The following PTPN3 variants were observed in gnomAD, a reference collection of about 807,000 sequenced individuals.
The protein encoded by PTPN3 is tyrosine-protein phosphatase non-receptor type 3.
In PTPN3, 96 loss-of-function variants were observed where a neutral mutation model predicts 132.7. The observed-to-expected ratio is 0.72, with a 90% confidence interval of 0.61 to 0.86. The LOEUF (loss-of-function observed/expected upper bound fraction) is 0.86. Among genes scored for constraint, PTPN3 ranks in the 40% least tolerant of loss-of-function variants. The pLI, the probability that PTPN3 is intolerant of heterozygous loss-of-function variation, is 0.00. For synonymous variants in PTPN3, 398 were observed against 429.0 expected, an observed-to-expected ratio of 0.93 and a Z score of 0.89; for missense variants, 1,125 against 1,159.6, an observed-to-expected ratio of 0.97 and a Z score of 0.43.
chr9:109,504,076 C>T, the PTPN3 span, among the ~76,000 whole-genome samples: 2 of 152,100 alleles, frequency 1.3e-5, no homozygotes, highest in African/African-American at 4.8e-5. Flanking sequence ...GATTGAGAAA[C>T]GTAATCTCTT....
At chr9:109,405,759 T>G (rs553105726) in intron 18 of PTPN3, among the ~76,000 whole-genome samples, 2 of 152,358 alleles carry the variant, frequency 1.3e-5, no homozygotes, top group African/African-American at 4.8e-5. Context: ...CTGGCTATTG[T>G]ATTTTTAGCA....
At chr9:109,434,691 A>G (rs61543659) in intron 9 of PTPN3, among the ~76,000 whole-genome samples, 59,422 of 152,062 alleles carry the variant, frequency 0.39, 12,788 homozygotes, top group African/African-American at 0.57. Context: ...CCTACTAGCT[A>G]TATAATGTTG....
At chr9:109,383,338 C>G in intron 23 of PTPN3, 85 bp downstream of exon 23, 1 of 1,608,036 alleles carries the variant, frequency 6.2e-7, no homozygotes, top group Non-Finnish European at 8.5e-7. Flanking sequence ...ACAGAGTGCA[C>G]ACCTAGAAGC....
In PTPN3 at chr9:109,390,658, C is replaced by A. The variant is rs114425684; in HGVS notation, c.2106+480G>T. On this transcript the variant is annotated intron_variant, in intron 21 of 25. Coordinates refer to ENST00000374541, the MANE Select transcript of PTPN3 (RefSeq NM_002829.4). Reference sequence around the variant, plus strand: ...AAGTCTAGAGAGGCCAAGTAAGTTGCCCAAGATGCGTTTTTAGAGAGAAAA... The same window carrying A: ...AAGTCTAGAGAGGCCAAGTAAGTTGACCAAGATGCGTTTTTAGAGAGAAAA... Among the ~76,000 whole-genome samples, 989 of 152,228 alleles carry A rather than the reference C, an allele frequency of 6.5e-3. 12 individuals carry two copies. Among genetic ancestry groups the A allele is most frequent in the African/African-American group, 0.022 (923 of 41,532 alleles).
the PTPN3 span, among the ~76,000 whole-genome samples, chr9:109,516,197 G>A: frequency 3.9e-5 from 6 of 152,190 alleles, no homozygotes; most frequent in Non-Finnish European, 8.8e-5. Flanking sequence ...TCATTCACTC[G>A]TGATGATAGG....
Position 109,404,739 on chromosome 9 carries a change from A to C in PTPN3, c.1793-131T>G. 1.2e-5 allele frequency: 13 copies of C among 1,059,284 alleles called. No individual in the cohort carries two copies. In the South Asian group the frequency reaches 5.8e-4, roughly 48 times the overall value. The allele number at this position is 1,059,284 out of a possible 1,614,324, so 65.6% of individuals were successfully genotyped here. The stretch of plus-strand genomic sequence containing the variant: ...ACATCTTATTAAATGATTAAGCTAC[A>C]TGGTAATCATTTTCACCAAAGATAC... On this transcript the variant is annotated intron_variant, in intron 18 of 25. Transcript: ENST00000374541.
intron 23 of PTPN3, 179 bp downstream of exon 23, chr9:109,383,244 T>C (rs1370113037): frequency 8.4e-6 from 9 of 1,065,704 alleles, no homozygotes; most frequent in Non-Finnish European, 1.3e-5. Context: ...TCGTGCCTGT[T>C]GTGACTAGGG....
chr9:109,492,305 C>T (rs897494342), intron 1 of PTPN3, among the ~76,000 whole-genome samples: 5 of 152,110 alleles, frequency 3.3e-5, no homozygotes, highest in Admixed American at 1.3e-4. Flanking sequence ...CCCACTCCTA[C>T]GCCAGGGGAC....
At chr9:109,382,924 C>A (rs969301156) in intron 23 of PTPN3, among the ~76,000 whole-genome samples, 1 of 152,142 alleles carries the variant, frequency 6.6e-6, no homozygotes, top group Non-Finnish European at 1.5e-5. Context: ...ACCCTGCACC[C>A]ATTATGCCAT....
At chr9:109,488,793 G>T (rs1204673193) in intron 1 of PTPN3, among the ~76,000 whole-genome samples, 1 of 152,134 alleles carries the variant, frequency 6.6e-6, no homozygotes, top group Non-Finnish European at 1.5e-5. Context: ...CTGATAAATG[G>T]CCCTGTAGTG....
rs117116998 is a variant in PTPN3 at position 109,487,579 on chromosome 9, A to G, written c.-18+10640T>C. 5.7e-3 allele frequency among the ~76,000 whole-genome samples: 873 copies of G among 152,306 alleles called. 4 individuals carry two copies. Among genetic ancestry groups the G allele is most frequent in the East Asian group, 0.023 (117 of 5,184 alleles). On this transcript the variant is annotated intron_variant, in intron 1 of 25. Coordinates refer to ENST00000374541, the MANE Select transcript of PTPN3 (RefSeq NM_002829.4). ...CCTTCCAGCCTTCCAGGTGATTCTG[A>G]TGTGCTATAGTTTGAGAAACACTGC...
At chr9:109,417,624 C>T in intron 14 of PTPN3, 1 of 985,032 alleles carries the variant, frequency 1.0e-6, no homozygotes, top group Non-Finnish European at 1.2e-6. Context: ...CTCAGGAGGG[C>T]CAGCCTCCTC....
At chr9:109,460,932 A>G (rs1374606392) in intron 2 of PTPN3, among the ~76,000 whole-genome samples, 1 of 152,238 alleles carries the variant, frequency 6.6e-6, no homozygotes, top group Non-Finnish European at 1.5e-5. Context: ...TGAATACATG[A>G]GTTATATACT....
At chr9:109,448,638 G>A (rs1845020816) in intron 6 of PTPN3, among the ~76,000 whole-genome samples, 173 bp downstream of exon 6, 1 of 152,158 alleles carries the variant, frequency 6.6e-6, no homozygotes. Context: ...GCCTCTCTCA[G>A]CCAAGACTGA....
At chr9:109,422,692 CAAAAA>C in intron 13 of PTPN3, 21 bp downstream of exon 13, 1 of 1,441,814 alleles carries the variant, frequency 6.9e-7, no homozygotes, top group South Asian at 1.3e-5. Context: ...TTGGGTAGTA[CAAAAA>C]AAAAAAAAAG....
At chr9:109,456,963 T>C (rs1246649668) in intron 4 of PTPN3, among the ~76,000 whole-genome samples, 1 of 152,094 alleles carries the variant, frequency 6.6e-6, no homozygotes, top group Admixed American at 6.6e-5. Flanking sequence ...TTCCCCTTCT[T>C]TCCCACAGCT....
At chr9:109,518,715 A>G in the PTPN3 span, among the ~76,000 whole-genome samples, 1 of 152,128 alleles carries the variant, frequency 6.6e-6, no homozygotes, top group African/African-American at 2.4e-5. Context: ...TCTGGCTGGT[A>G]TGTGTCACAA....
In PTPN3 at chr9:109,436,967, C is replaced by T. The variant is rs763237620; in HGVS notation, c.591G>A (p.Gly197=). 8.1e-6 allele frequency: 13 copies of T among 1,613,876 alleles called. No homozygotes were observed. The highest frequency in any genetic ancestry group is 9.3e-6 in the Non-Finnish European group (11 of 1,179,944). The change falls in exon 9 of 26, where the codon GGG becomes GGA. Residue 197 remains glycine, a synonymous_variant. Coordinates refer to ENST00000374541, the MANE Select transcript of PTPN3 (RefSeq NM_002829.4). ...AGGATTCTGCTTCTGATTGTTTTAG[C>T]CCACTACGGAAGAAAAGACAAAAAG... ...KVESLHEQHS[G]LKQSEAESCY... is the part of the protein sequence containing the mutation.
intron 14 of PTPN3, among the ~76,000 whole-genome samples, chr9:109,419,913 A>G (rs1842774270): frequency 6.6e-6 from 1 of 152,238 alleles, no homozygotes; most frequent in African/African-American, 2.4e-5. Flanking sequence ...AATTTCTCAA[A>G]GAAAATTAGA....
Sources: gnomAD v4.1 joint callset for allele counts (sites outside exome capture counted in the v4.1 genomes callset) on GRCh38, gnomAD v4.1.1 for gene constraint, MANE v1.5 for transcripts, NCBI Gene and HGNC (gene_info 2026-07-23, HGNC 2026-07-21) for gene names.